Variants in RAPGEF2 observed in about 807,000 individuals in gnomAD.
RAPGEF2 encodes Rap guanine nucleotide exchange factor 2.
In RAPGEF2, 54 loss-of-function variants were observed where a neutral mutation model predicts 186.7. That is an observed-to-expected ratio of 0.29 (90% CI 0.23 to 0.36). The LOEUF is 0.36. RAPGEF2 is among the 10% of genes least tolerant of loss of function. The pLI is 1.00. For synonymous variants in RAPGEF2, 712 were observed against 705.9 expected, an observed-to-expected ratio of 1.01 and a Z score of -0.14; for missense variants, 1,532 against 2,045.0, an observed-to-expected ratio of 0.75 and a Z score of 4.84.
chr4:159,247,271 T>C (rs1016165245), intron 7 of RAPGEF2, among the ~76,000 whole-genome samples: 2 of 152,180 alleles, frequency 1.3e-5, no homozygotes, highest in Admixed American at 1.3e-4. Context: ...TCTAGAGATA[T>C]AAAAGTCAAC....
chr4:159,304,351 G>C lies in RAPGEF2; in HGVS notation c.553G>C (p.Asp185His). The stretch of plus-strand genomic sequence containing the variant: ...CCTGCTCCTTCCATAGCTTCCTGCA[G>C]ATTTCACAAAACTGCATCTTACTGA... ...TECTKSQLPA[D>H]FTKLHLTDSL... Residue 185 changes from aspartate to histidine, a missense_variant, in exon 8 of 30, where the codon GAT becomes CAT. By Grantham distance (81) the Asp-to-His change is moderately conservative. Coordinates refer to ENST00000691494, the MANE Select transcript of RAPGEF2 (RefSeq NM_001394067.2). The C allele has an allele frequency of 6.2e-7, 1 of 1,604,998 alleles. No homozygotes were observed. The highest frequency in any genetic ancestry group is 8.5e-7 in the Non-Finnish European group (1 of 1,173,394).
At chr4:159,154,394 C>T (rs1428231691) in intron 1 of RAPGEF2, among the ~76,000 whole-genome samples, 4 of 151,994 alleles carry the variant, frequency 2.6e-5, no homozygotes, top group Admixed American at 1.3e-4. Flanking sequence ...TATTGAAATC[C>T]CTTCACTCAT....
chr4:159,352,061 A>G (rs189465135), intron 26 of RAPGEF2, among the ~76,000 whole-genome samples: 84 of 152,356 alleles, frequency 5.5e-4, no homozygotes, highest in Non-Finnish European at 8.2e-4. Context: ...ATCTGTTTAG[A>G]TATTCTATAG....
chr4:159,343,268 C>G lies in RAPGEF2; in HGVS notation c.3131-13C>G. On this transcript the variant is annotated splice_polypyrimidine_tract_variant and intron_variant, in intron 21 of 29. Transcript: ENST00000691494. ...TGCCATGTGATTTCCTTTTCCTCCT[C>G]TGTCAATTTCAGGAAATGACTCAAA... 6.2e-7 allele frequency: 1 copy of G among 1,614,076 alleles called. No individual in the cohort carries two copies. Among genetic ancestry groups the G allele is most frequent in the Non-Finnish European group, 8.5e-7 (1 of 1,179,938 alleles).
chr4:159,352,300 A>G (rs1580067321), intron 26 of RAPGEF2, among the ~76,000 whole-genome samples: 1 of 152,216 alleles, frequency 6.6e-6, no homozygotes, highest in Admixed American at 6.5e-5. Flanking sequence ...AAACTGTTGA[A>G]AACAAGATCA....
intron 26 of RAPGEF2, chr4:159,351,204 T>G (rs1246795182): frequency 6.5e-7 from 1 of 1,528,928 alleles, no homozygotes; most frequent in Non-Finnish European, 8.8e-7. Context: ...GAACCAAAAA[T>G]GGGGTGGGAA....
chr4:159,349,781 C>T (rs1730909565), intron 25 of RAPGEF2, among the ~76,000 whole-genome samples: 1 of 152,188 alleles, frequency 6.6e-6, no homozygotes, highest in Non-Finnish European at 1.5e-5. Context: ...TGTGCCACTT[C>T]CATCCTAAAT....
intron 19 of RAPGEF2, among the ~76,000 whole-genome samples, chr4:159,340,780 CA>C (rs1729356090): frequency 3.3e-4 from 1 of 3,026 alleles, no homozygotes; most frequent in East Asian, 0.022. Context: ...CCACCATCAC[CA>C]CACACACACA....
chr4:159,304,284 G>A (rs2111050817), intron 7 of RAPGEF2, 58 bp from the exon 8 acceptor site: 2 of 1,451,072 alleles, frequency 1.4e-6, no homozygotes, highest in Non-Finnish European at 1.9e-6. Flanking sequence ...ATTTTAAAAT[G>A]TCTTCTTGGA....
chr4:159,285,612 T>C (rs1367977671), intron 7 of RAPGEF2, among the ~76,000 whole-genome samples: 1 of 152,230 alleles, frequency 6.6e-6, no homozygotes, highest in Admixed American at 6.5e-5. Context: ...AACTTAACTT[T>C]AAAATATAAA....
intron 4 of RAPGEF2, among the ~76,000 whole-genome samples, chr4:159,237,639 G>C (rs1328148705): frequency 1.3e-5 from 2 of 151,816 alleles, no homozygotes; most frequent in Non-Finnish European, 2.9e-5. Flanking sequence ...GAAAAAAATT[G>C]TTCAATGAAA....
At position 159,358,290 on chromosome 4, in the gene RAPGEF2, C is replaced by T. The variant is rs1732337447; in HGVS notation, c.*151C>T. On this transcript the variant is annotated 3_prime_UTR_variant, in exon 30 of 30. Transcript: ENST00000691494. ...TAAAAGCAGCATGGGGCTTCTTCTC[C>T]CCTTCTTCCTTTCCCCTTTGCATGT... The T allele has an allele frequency of 4.5e-6, 3 of 664,444 alleles. No individual in the cohort carries two copies. The highest frequency in any genetic ancestry group is 2.2e-5 in the South Asian group (1 of 45,918). The allele number at this position is 664,444 out of a possible 1,614,324, so 41.2% of individuals were successfully genotyped here. A position where few individuals can be genotyped will look rare whatever the true frequency, so the allele number is the denominator to read the frequency against.
At chr4:159,241,020 T>G in intron 5 of RAPGEF2, 181 bp from the exon 6 acceptor site, 1 of 472,532 alleles carries the variant, frequency 2.1e-6, no homozygotes, top group Non-Finnish European at 3.7e-6. Context: ...AAAAGAAATG[T>G]TACTCAAAAC....
At chr4:159,238,072 TATATTAACAA>T (rs1468420465) in intron 4 of RAPGEF2, among the ~76,000 whole-genome samples, 2 of 151,934 alleles carry the variant, frequency 1.3e-5, no homozygotes, top group African/African-American at 2.4e-5. Flanking sequence ...AGTGAGGTGT[TATATTAACAA>T]AAAGAGCTTC....
At chr4:159,326,745 C>A (rs929705692) in intron 11 of RAPGEF2, 2 of 152,042 alleles carry the variant, frequency 1.3e-5, no homozygotes, top group African/African-American at 4.8e-5. Context: ...CCACATGTAC[C>A]TCTTTCTTTT....
chr4:159,278,781 T>G (rs1036846669), intron 7 of RAPGEF2, among the ~76,000 whole-genome samples: 5 of 152,172 alleles, frequency 3.3e-5, no homozygotes, highest in African/African-American at 1.2e-4. Flanking sequence ...ATTTGTAAAA[T>G]GGAGGTAATA....
At chr4:159,275,831 A>G (rs760151851) in intron 7 of RAPGEF2, among the ~76,000 whole-genome samples, 1 of 151,930 alleles carries the variant, frequency 6.6e-6, no homozygotes, top group African/African-American at 2.4e-5. Flanking sequence ...AAGAGTTGTA[A>G]TTTTTTCATT....
Position 159,329,851 on chromosome 4 carries a change from A to C in RAPGEF2, c.1150-7A>C. 1 of 1,607,960 alleles carries C rather than the reference A, an allele frequency of 6.2e-7. No individual in the cohort carries two copies. On this transcript the variant is annotated splice_polypyrimidine_tract_variant and splice_region_variant and intron_variant, in intron 11 of 29. Coordinates refer to ENST00000691494, the MANE Select transcript of RAPGEF2 (RefSeq NM_001394067.2). Reference sequence around the variant, plus strand: ...ATCATTAACATGTGACTTATGTTTTATTCCAGTTTGTCTGCATAGCCCAGC... The same window carrying C: ...ATCATTAACATGTGACTTATGTTTTCTTCCAGTTTGTCTGCATAGCCCAGC...
chr4:159,282,460 CGTGTGTG>C (rs1759857235), intron 7 of RAPGEF2: 1 of 246,506 alleles, frequency 4.1e-6, no homozygotes, highest in Non-Finnish European at 8.1e-6. Context: ...GTAGTCATTT[CGTGTGTG>C]TGTGTTTGCA....
Sources: allele counts gnomAD v4.1 joint callset (sites outside exome capture counted in the v4.1 genomes callset), GRCh38; gene constraint gnomAD v4.1.1; transcripts MANE v1.5; gene names NCBI Gene and HGNC (gene_info 2026-07-23, HGNC 2026-07-21).